The following HAS2 variants were observed in gnomAD, a reference collection of about 807,000 sequenced individuals.
The protein encoded by HAS2 is HA synthase 2.
In HAS2, 16 loss-of-function variants were observed where a neutral mutation model predicts 51.6. The observed-to-expected ratio is 0.31, with a 90% CI of 0.21 to 0.47. HAS2 has a LOEUF of 0.47. HAS2 is among the 20% of genes least tolerant of loss of function. The pLI, the probability that HAS2 is intolerant of heterozygous loss-of-function variation, is 1.00. For missense variants in HAS2, 361 were observed against 662.6 expected (o/e 0.54, Z 5.00); for synonymous variants, 228 against 235.5 (o/e 0.97, Z 0.29).
intron 1 of HAS2, among the ~76,000 whole-genome samples, chr8:121,637,483 C>T (rs1813026015): frequency 6.6e-6 from 1 of 150,984 alleles, no homozygotes; most frequent in Non-Finnish European, 1.5e-5. Flanking sequence ...CTCCACCTCC[C>T]GAGTTCAAGA....
At chr8:121,627,027 A>G (rs935769366) in intron 2 of HAS2, among the ~76,000 whole-genome samples, 3 of 152,172 alleles carry the variant, frequency 2.0e-5, no homozygotes, top group Non-Finnish European at 4.4e-5. Flanking sequence ...TGCCAAGGAT[A>G]CAAACAAAAT....
Position 121,614,951 on chromosome 8 carries a change from A to G in HAS2, c.817T>C (p.Tyr273His). 6.2e-7 allele frequency: 1 copy of G among 1,613,766 alleles called. No individual in the cohort carries two copies. The highest frequency in any genetic ancestry group is 1.6e-4 in the Middle Eastern group (1 of 6,062). The change falls in exon 4 of 4, where the codon TAT becomes CAT. Residue 273 changes from tyrosine to histidine, a missense_variant. Tyr to His is a moderately conservative substitution (Grantham distance 83). Coordinates refer to ENST00000303924, the MANE Select transcript of HAS2 (RefSeq NM_005328.3). The surrounding 1 kb of genome is among the most constrained non-coding windows in gnomAD (Gnocchi z 7.2). ...AFNIERACQS[Y>H]FGCVQCISGP... ...CTAATGCACTGAACACACCCAAAAT[A>G]AGACTGACAGGCCCTTTCTATATTA...
chr8:121,633,909 T>G (rs1448827135), intron 1 of HAS2, among the ~76,000 whole-genome samples: 2 of 127,288 alleles, frequency 1.6e-5, no homozygotes, highest in South Asian at 2.3e-4. Context: ...TTTGTTTTTT[T>G]GGGTTTTTTT....
rs1813091247 is a variant in HAS2 at position 121,641,121 on chromosome 8, T to G, written c.-269A>C. On this transcript the variant is annotated 5_prime_UTR_variant, in exon 1 of 4. Coordinates refer to ENST00000303924, the MANE Select transcript of HAS2 (RefSeq NM_005328.3). ...GTCTAATTCTTAAAAAAATTATGCT[T>G]TAAAAATAAATTAACTTTTCTTTTT... is the stretch of plus-strand genomic sequence containing the variant. The G allele has an allele frequency of 6.6e-6, 1 of 150,516 alleles. No homozygotes were observed. The highest frequency in any genetic ancestry group is 1.5e-5 in the Non-Finnish European group (1 of 67,648). 9.3% of individuals were successfully genotyped at this position (150,516 alleles called of 1,614,324 possible).
intron 1 of HAS2, among the ~76,000 whole-genome samples, chr8:121,633,848 A>T (rs1215004664): frequency 6.6e-6 from 1 of 152,002 alleles, no homozygotes; most frequent in African/African-American, 2.4e-5. Flanking sequence ...ATCTACTCTC[A>T]CTGCCCCAGT....
At chr8:121,625,156 T>TA (rs1370228970) in intron 2 of HAS2, among the ~76,000 whole-genome samples, 1 of 146,562 alleles carries the variant, frequency 6.8e-6, no homozygotes, top group African/African-American at 2.5e-5. Flanking sequence ...CTGATAACAC[T>TA]ACTTAAAAAA....
rs540447100 is a variant in HAS2, at chr8:121,623,168, G to A, written c.627+5546C>T. On this transcript the variant is annotated intron_variant, in intron 2 of 3. Coordinates refer to ENST00000303924, the MANE Select transcript of HAS2 (RefSeq NM_005328.3). ...AGGAATATACAAGCCTTCCTTAGTA[G>A]AATGAATTATCCAAATTATTATAAA... 2.0e-5 allele frequency among the ~76,000 whole-genome samples: 3 copies of A among 152,142 alleles called. No individual in the cohort carries two copies. The South Asian group carries it at 6.2e-4, about 32-fold the overall frequency.
intron 2 of HAS2, among the ~76,000 whole-genome samples, chr8:121,625,973 A>G (rs971097395): frequency 6.6e-6 from 1 of 152,064 alleles, no homozygotes; most frequent in Non-Finnish European, 1.5e-5. Context: ...TGTCAGCATT[A>G]ATTATTTGAA....
intron 2 of HAS2, among the ~76,000 whole-genome samples, chr8:121,621,420 C>G (rs976217163): frequency 6.6e-6 from 1 of 152,190 alleles, no homozygotes; most frequent in Non-Finnish European, 1.5e-5. Context: ...TTGCCATCAT[C>G]ATGGGACATT....
chr8:121,619,103 A>C (rs980107898), intron 2 of HAS2, among the ~76,000 whole-genome samples: 3 of 152,144 alleles, frequency 2.0e-5, no homozygotes, highest in African/African-American at 7.2e-5. Context: ...GGCTGGGTGC[A>C]GTGGCTAACA....
intron 1 of HAS2, among the ~76,000 whole-genome samples, chr8:121,638,828 T>C (rs529845512): frequency 6.6e-5 from 10 of 152,262 alleles, no homozygotes; most frequent in Admixed American, 6.5e-4. Flanking sequence ...CTTGCACACA[T>C]TGGAAGGAAA....
At chr8:121,630,234 A>C (rs533128491) in intron 1 of HAS2, among the ~76,000 whole-genome samples, 13 of 152,180 alleles carry the variant, frequency 8.5e-5, no homozygotes, top group African/African-American at 3.1e-4. Flanking sequence ...GACAAATAAC[A>C]TCATGATTTA....
intron 2 of HAS2, among the ~76,000 whole-genome samples, chr8:121,625,372 G>C (rs1044596296): frequency 6.6e-6 from 1 of 152,024 alleles, no homozygotes; most frequent in Admixed American, 6.6e-5. Flanking sequence ...CTATTTCAAA[G>C]AGGTACAAAC....
chr8:121,635,904 G>A (rs1813001773), intron 1 of HAS2, among the ~76,000 whole-genome samples: 1 of 152,198 alleles, frequency 6.6e-6, no homozygotes, highest in Non-Finnish European at 1.5e-5. Context: ...TATTTATCTA[G>A]GCTGGTGACA....
At position 121,613,661 on chromosome 8, in the gene HAS2, A is replaced by G. The variant is rs1437312472; in HGVS notation, c.*448T>C. 6.1e-6 allele frequency: 1 copy of G among 163,916 alleles called. No homozygotes were observed. Among genetic ancestry groups the G allele is most frequent in the Admixed American group, 5.7e-5 (1 of 17,486 alleles). 10.2% of individuals were successfully genotyped at this position (163,916 alleles called of 1,614,324 possible). On this transcript the variant is annotated 3_prime_UTR_variant, in exon 4 of 4. Coordinates refer to ENST00000303924, the MANE Select transcript of HAS2 (RefSeq NM_005328.3). ...AACGGCCTTTAAAACTTCCTTTGGC[A>G]TTTCATTTGGTAAAGTTAAAAAGAA...
chr8:121,621,131 G>T (rs1812768241), intron 2 of HAS2, among the ~76,000 whole-genome samples: 1 of 152,066 alleles, frequency 6.6e-6, no homozygotes, highest in Non-Finnish European at 1.5e-5. Context: ...CCAACCCTGG[G>T]TTCAAAATAA....
At chr8:121,626,856 C>G (rs905904410) in intron 2 of HAS2, among the ~76,000 whole-genome samples, 5 of 152,066 alleles carry the variant, frequency 3.3e-5, no homozygotes, top group Admixed American at 3.3e-4. Flanking sequence ...GCATCAGGGC[C>G]TAGTTAAAAG....
intron 2 of HAS2, among the ~76,000 whole-genome samples, chr8:121,624,025 G>A (rs1278305281): frequency 6.6e-6 from 1 of 152,146 alleles, no homozygotes; most frequent in African/African-American, 2.4e-5. Flanking sequence ...GGGTTCCTCC[G>A]AACCTCTGGC....
chr8:121,617,619 A>G (rs1205783550), intron 2 of HAS2, among the ~76,000 whole-genome samples: 1 of 152,124 alleles, frequency 6.6e-6, no homozygotes. Flanking sequence ...TACCTTCAAT[A>G]AGGCTTTTAG....
Sources: allele counts gnomAD v4.1 joint callset (sites outside exome capture counted in the v4.1 genomes callset), GRCh38; gene constraint gnomAD v4.1.1; non-coding constraint Gnocchi (gnomAD v3.1); transcripts MANE v1.5; gene names NCBI Gene and HGNC (gene_info 2026-07-23, HGNC 2026-07-21).